Variants in SPAG9 observed in about 807,000 individuals in gnomAD.
SPAG9 encodes sperm associated antigen 9.
SPAG9 carries 35 observed loss-of-function variants against 166.5 expected under a neutral mutation model. That is an observed-to-expected ratio of 0.21 (90% CI 0.16 to 0.28). The LOEUF (loss-of-function observed/expected upper bound fraction) is 0.28. Ranked by LOEUF, SPAG9 falls within the 10% of genes least tolerant of loss-of-function variation. SPAG9 has a pLI of 1.00. For missense variants in SPAG9, 1,235 were observed against 1,603.3 expected (o/e 0.77, Z 3.92); for synonymous variants, 534 against 565.5 (o/e 0.94, Z 0.79).
rs149508569 is a variant in SPAG9, at chr17:50,970,675, T to C, written c.3850+32A>G. Reference sequence around the variant, plus strand: ...ACAAAACCCAAGTCATAGCACACAGTGCAAACTGAGCACCCAGAACCAATG... The same window carrying C: ...ACAAAACCCAAGTCATAGCACACAGCGCAAACTGAGCACCCAGAACCAATG... On this transcript the variant is annotated intron_variant, in intron 29 of 29. Coordinates refer to ENST00000262013, the MANE Select transcript of SPAG9 (RefSeq NM_001130528.3). The C allele has an allele frequency of 2.0e-4, 324 of 1,606,494 alleles. No homozygotes were observed. The African/African-American group carries it at 3.9e-3, about 19-fold the overall frequency.
chr17:51,093,241 G>A (rs1415346469), intron 1 of SPAG9, among the ~76,000 whole-genome samples: 1 of 151,580 alleles, frequency 6.6e-6, no homozygotes, highest in Non-Finnish European at 1.5e-5. Flanking sequence ...ATAAATTATT[G>A]GAATAAAAGT....
At chr17:51,090,686 G>A (rs543479998) in intron 1 of SPAG9, among the ~76,000 whole-genome samples, 8 of 152,206 alleles carry the variant, frequency 5.3e-5, no homozygotes, top group Middle Eastern at 3.4e-3. Context: ...AAAAAAGATC[G>A]ATTTACAAAA....
intron 26 of SPAG9, among the ~76,000 whole-genome samples, 163 bp from the exon 27 acceptor site, chr17:50,977,384 G>C (rs1298447108): frequency 6.6e-6 from 1 of 152,172 alleles, no homozygotes; most frequent in Non-Finnish European, 1.5e-5. Flanking sequence ...GAGCTAGATG[G>C]ATGTTTCCTG....
chr17:51,102,817 C>T (rs1351255097), intron 1 of SPAG9, among the ~76,000 whole-genome samples: 4 of 151,990 alleles, frequency 2.6e-5, no homozygotes, highest in Non-Finnish European at 5.9e-5. Context: ...TTAATATTAT[C>T]ACTGTTATTT....
intron 28 of SPAG9, among the ~76,000 whole-genome samples, chr17:50,972,510 C>T (rs957290383): frequency 1.3e-5 from 2 of 152,086 alleles, no homozygotes; most frequent in African/African-American, 4.8e-5. Flanking sequence ...AAGAGAGAAA[C>T]CTTTAAATAT....
chr17:51,090,582 G>C (rs1004013325), intron 1 of SPAG9, among the ~76,000 whole-genome samples: 1 of 152,160 alleles, frequency 6.6e-6, no homozygotes, highest in African/African-American at 2.4e-5. Context: ...CCAAGGTACT[G>C]GGAAATGTAG....
intron 2 of SPAG9, among the ~76,000 whole-genome samples, chr17:51,057,046 A>C (rs1374153872): frequency 2.6e-5 from 4 of 152,232 alleles, no homozygotes; most frequent in Non-Finnish European, 5.9e-5. Flanking sequence ...CCTGAGATAC[A>C]GAATGTCAGG....
intron 8 of SPAG9, among the ~76,000 whole-genome samples, chr17:51,017,169 G>A (rs1176204173): frequency 6.6e-6 from 1 of 152,182 alleles, no homozygotes; most frequent in Admixed American, 6.5e-5. Context: ...AAGGATTTAA[G>A]TGAGTATTTT....
At chr17:51,089,830 C>T (rs1431616424) in intron 1 of SPAG9, among the ~76,000 whole-genome samples, 1 of 150,650 alleles carries the variant, frequency 6.6e-6, no homozygotes, top group Non-Finnish European at 1.5e-5. Context: ...GCACCCACCA[C>T]CATGCCCAGC....
chr17:51,029,867 T>C (rs562724312), intron 6 of SPAG9, among the ~76,000 whole-genome samples: 11 of 152,340 alleles, frequency 7.2e-5, no homozygotes, highest in South Asian at 4.1e-4. Context: ...CATAACACTA[T>C]TGAACTGTAT....
chr17:51,076,069 TGGGTGACAAAGCAA>T (rs1295694006), intron 2 of SPAG9, among the ~76,000 whole-genome samples: 2 of 151,514 alleles, frequency 1.3e-5, no homozygotes, highest in Admixed American at 6.6e-5. Context: ...CACTCCAGCC[TGGGTGACAAAGCAA>T]GACTCCATCT....
intron 2 of SPAG9, among the ~76,000 whole-genome samples, chr17:51,074,008 A>C (rs1254789561): frequency 6.6e-6 from 1 of 152,100 alleles, no homozygotes; most frequent in Non-Finnish European, 1.5e-5. Context: ...AGGCCGAGGC[A>C]GGTGGATAAC....
chr17:50,985,764 G>T lies in SPAG9; in HGVS notation c.2954C>A (p.Ser985Ter). The change falls in exon 23 of 30, where the codon TCA becomes TAA. Residue 985 changes from serine (S) to a stop codon, truncating the protein, a stop_gained. Transcript: ENST00000262013. LOFTEE classifies it high-confidence loss of function. ...ACATTTCCTCCACTGGGCTACAGAT[G>T]AATGGACATACAAACTGTAAGAACA... ...GAQNGCLYVH[S>*]SVAQWRKCLH... The T allele has an allele frequency of 6.2e-7, 1 of 1,601,020 alleles. No individual in the cohort carries two copies. The highest frequency in any genetic ancestry group is 8.6e-7 in the Non-Finnish European group (1 of 1,168,936).
At chr17:51,013,895 TAC>T (rs200596488) in intron 9 of SPAG9, among the ~76,000 whole-genome samples, 10,367 of 53,472 alleles carry the variant, frequency 0.19, 390 homozygotes, top group South Asian at 0.31. Flanking sequence ...CACACACACA[TAC>T]ACATACACAC....
intron 6 of SPAG9, among the ~76,000 whole-genome samples, chr17:51,029,533 TA>T (rs2046311759): frequency 6.6e-6 from 1 of 152,096 alleles, no homozygotes; most frequent in African/African-American, 2.4e-5. Flanking sequence ...AACAAATAAA[TA>T]AACAAAATAT....
chr17:51,098,150 C>T (rs1250874419), intron 1 of SPAG9, among the ~76,000 whole-genome samples: 1 of 151,894 alleles, frequency 6.6e-6, no homozygotes, highest in Admixed American at 6.6e-5. Context: ...TCACAGAAGT[C>T]TTCTGTGTTA....
chr17:51,111,748 G>A (rs1013560211), intron 1 of SPAG9, among the ~76,000 whole-genome samples: 1 of 151,948 alleles, frequency 6.6e-6, no homozygotes, highest in East Asian at 1.9e-4. Context: ...GATTACAGGC[G>A]TCCGCCACCA....
chr17:51,040,237 A>G (rs2046782981), intron 5 of SPAG9, among the ~76,000 whole-genome samples: 1 of 141,724 alleles, frequency 7.1e-6, no homozygotes, highest in African/African-American at 2.6e-5. Flanking sequence ...ACACAGCAAG[A>G]CTCTGTCTCA....
intron 6 of SPAG9, among the ~76,000 whole-genome samples, chr17:51,024,367 T>C (rs1057319786): frequency 2.0e-5 from 3 of 152,182 alleles, no homozygotes; most frequent in Non-Finnish European, 4.4e-5. Context: ...ACATATTAAT[T>C]ATAATATATT....
Sources: allele counts gnomAD v4.1 joint callset (sites outside exome capture counted in the v4.1 genomes callset), GRCh38; gene constraint gnomAD v4.1.1; transcripts MANE v1.5; gene names NCBI Gene and HGNC (gene_info 2026-07-23, HGNC 2026-07-21).